The following RSPH4A variants were observed in gnomAD, a reference collection of about 807,000 sequenced individuals.
The protein encoded by RSPH4A is radial spoke head protein 4 homolog A.
RSPH4A carries 47 observed loss-of-function variants against 71.0 expected under a neutral mutation model. That is an observed-to-expected ratio of 0.66 (90% CI 0.52 to 0.84). The LOEUF is 0.84. RSPH4A is among the 40% of genes least tolerant of loss of function. The pLI, the probability that RSPH4A is intolerant of heterozygous loss-of-function variation, is 0.00. For missense variants in RSPH4A, 793 were observed against 855.2 expected (o/e 0.93, Z 0.91); for synonymous variants, 282 against 302.3 (o/e 0.93, Z 0.70).
chr6:116,632,055 T>C (rs1250822104), intron 5 of RSPH4A, 152 bp from the exon 6 acceptor site: 4 of 606,752 alleles, frequency 6.6e-6, no homozygotes, highest in South Asian at 2.0e-5. Context: ...AGAAGAATCA[T>C]TGAGGAATAT....
intron 5 of RSPH4A, among the ~76,000 whole-genome samples, chr6:116,631,572 G>A (rs1369447046): frequency 1.3e-5 from 2 of 152,188 alleles, no homozygotes; most frequent in Non-Finnish European, 2.9e-5. Context: ...AGCACAGAGA[G>A]CAGAGAAAGG....
chr6:116,619,359 G>A (rs1406940060), intron 1 of RSPH4A, among the ~76,000 whole-genome samples: 1 of 152,134 alleles, frequency 6.6e-6, no homozygotes, highest in Non-Finnish European at 1.5e-5. Context: ...GACAAAGTAG[G>A]TTAGAGAATT....
chr6:116,631,842 G>C (rs1415231411), intron 5 of RSPH4A, among the ~76,000 whole-genome samples: 2 of 152,156 alleles, frequency 1.3e-5, no homozygotes, highest in Non-Finnish European at 2.9e-5. Context: ...TGCCCAACCA[G>C]GAGTTTGCAC....
Position 116,630,845 on chromosome 6 carries a change from G to GTTTTTTTT in RSPH4A, c.1916+294_1916+295insTTTTTTTT, listed in dbSNP as rs1285123787. ...GCACCACTATGCCCAGCTAATTTTT[G>GTTTTTTTT]TATTTTTTTTTTTTTTTTTTTTTTT... On this transcript the variant is annotated intron_variant, in intron 5 of 5. Coordinates refer to ENST00000229554, the MANE Select transcript of RSPH4A (RefSeq NM_001010892.3). Among the ~76,000 whole-genome samples the GTTTTTTTT allele has an allele frequency of 9.0e-4, 61 of 67,656 alleles. 5 individuals are homozygous for GTTTTTTTT. Among genetic ancestry groups the GTTTTTTTT allele is most frequent in the Non-Finnish European group, 9.9e-4 (37 of 37,558 alleles). 44.4% of individuals were successfully genotyped at this position (67,656 alleles called of 152,430 possible). A position where few individuals can be genotyped will look rare whatever the true frequency, so the allele number is the denominator to read the frequency against.
Position 116,622,822 on chromosome 6 carries a change from T to C in RSPH4A, c.741T>C (p.Asn247=). ...AGATATTAAATGAGCGTCCTGAAAA[T>C]GCTGTTGACATCTTTGAAAATATTA... is the stretch of plus-strand genomic sequence containing the variant. ...LTKILNERPE[N]AVDIFENISQ... is the part of the protein sequence containing the mutation. Residue 247 remains asparagine, a synonymous_variant, in exon 2 of 6, where the codon AAT becomes AAC. Transcript: ENST00000229554. 2 of 1,613,460 alleles carry C rather than the reference T, an allele frequency of 1.2e-6. No individual in the cohort carries two copies. Among genetic ancestry groups the C allele is most frequent in the Non-Finnish European group, 8.5e-7 (1 of 1,179,478 alleles).
chr6:116,616,776 T>C lies in RSPH4A; in HGVS notation c.153T>C (p.Thr51=). ...EPLEAKQGPE[T]GRQSRSSRPW... ...TGGAGGCGAAGCAGGGGCCAGAAAC[T>C]GGACGCCAGTCCCGAAGCAGCCGTC... Residue 51 remains threonine, a synonymous_variant, in exon 1 of 6, where the codon ACT becomes ACC. Coordinates refer to ENST00000229554, the MANE Select transcript of RSPH4A (RefSeq NM_001010892.3). The C allele has an allele frequency of 6.2e-7, 1 of 1,614,154 alleles. No homozygotes were observed.
intron 2 of RSPH4A, among the ~76,000 whole-genome samples, chr6:116,624,048 A>G (rs944286527): frequency 5.9e-5 from 9 of 152,222 alleles, no homozygotes; most frequent in African/African-American, 2.2e-4. Flanking sequence ...TATATTCAGT[A>G]CCACTAGATT....
intron 2 of RSPH4A, among the ~76,000 whole-genome samples, chr6:116,627,069 C>T (rs958226083): frequency 6.6e-6 from 1 of 152,126 alleles, no homozygotes; most frequent in Non-Finnish European, 1.5e-5. Context: ...AATTATTAAA[C>T]TTTCTCTACC....
intron 1 of RSPH4A, among the ~76,000 whole-genome samples, chr6:116,619,986 T>TG (rs1346961820): frequency 1.3e-5 from 2 of 152,232 alleles, no homozygotes; most frequent in African/African-American, 4.8e-5. Flanking sequence ...CCCAAAGTGT[T>TG]GGGATTACAG....
rs777284529 is a variant in RSPH4A at position 116,632,486 on chromosome 6, C to A, written c.*45C>A. On this transcript the variant is annotated 3_prime_UTR_variant, in exon 6 of 6. Transcript: ENST00000229554. ...GTTTTATGTGACACTGATACACACA[C>A]ACCCCTTATATGGGACTAATTTTAC... is the stretch of plus-strand genomic sequence containing the variant. 8.3e-6 allele frequency: 13 copies of A among 1,573,072 alleles called. No individual in the cohort carries two copies. In the African/African-American group the frequency reaches 1.8e-4, roughly 21 times the overall value.
At position 116,629,864 on chromosome 6, in the gene RSPH4A, T is replaced by A. The variant is rs550907039; in HGVS notation, c.1798+162T>A. Among the ~76,000 whole-genome samples the A allele has an allele frequency of 5.9e-5, 9 of 152,316 alleles. No individual in the cohort carries two copies. In the East Asian group the frequency reaches 1.7e-3, roughly 29 times the overall value. On this transcript the variant is annotated intron_variant, in intron 4 of 5. Coordinates refer to ENST00000229554, the MANE Select transcript of RSPH4A (RefSeq NM_001010892.3). ...TTCTGGGATGATAGGGAGTGAAGAA[T>A]GTAGCTGGCCACATCAATGTTCTCT...
At chr6:116,629,754 C>T in intron 4 of RSPH4A, 52 bp downstream of exon 4, 1 of 1,479,032 alleles carries the variant, frequency 6.8e-7, no homozygotes, top group Non-Finnish European at 9.4e-7. Flanking sequence ...ATATAATATA[C>T]TGTGTGCATT....
intron 3 of RSPH4A, 117 bp from the exon 4 acceptor site, chr6:116,629,450 A>C (rs1335209030): frequency 1.9e-6 from 2 of 1,057,364 alleles, no homozygotes; most frequent in Non-Finnish European, 2.9e-6. Context: ...AGAATGAATG[A>C]ATGAATAATT....
chr6:116,616,826 A>G lies in RSPH4A; in HGVS notation c.203A>G (p.Lys68Arg), dbSNP rs748597085. The stretch of plus-strand genomic sequence containing the variant: ...CCTTGGAGCCCGCAGTCTAGAGCCA[A>G]GACGCCTCTGGGTGGCCCCGCGGGA... Reference protein sequence around the residue: ...SRPWSPQSRAKTPLGGPAGPE... With the variant: ...SRPWSPQSRARTPLGGPAGPE... The change falls in exon 1 of 6, where the codon AAG (lysine) becomes AGG (arginine). Residue 68 changes from lysine (K) to arginine (R), a missense_variant. Coordinates refer to ENST00000229554, the MANE Select transcript of RSPH4A (RefSeq NM_001010892.3). 29 of 1,613,996 alleles carry G rather than the reference A, an allele frequency of 1.8e-5. No individual in the cohort carries two copies. The South Asian group carries it at 3.2e-4, about 18-fold the overall frequency.
In RSPH4A at chr6:116,616,829, C is replaced by T. The variant is rs1398453218; in HGVS notation, c.206C>T (p.Thr69Met). The T allele has an allele frequency of 8.7e-6, 14 of 1,614,000 alleles. No homozygotes were observed. The East Asian group carries it at 1.1e-4, about 13-fold the overall frequency. The part of the protein sequence containing the change: ...RPWSPQSRAK[T>M]PLGGPAGPET... ...TGGAGCCCGCAGTCTAGAGCCAAGA[C>T]GCCTCTGGGTGGCCCCGCGGGACCA... The change falls in exon 1 of 6, where the codon ACG (threonine) becomes ATG (methionine). Residue 69 changes from threonine (T) to methionine (M), a missense_variant. Physicochemically the swap from Thr to Met is moderately conservative, Grantham distance 81. Coordinates refer to ENST00000229554, the MANE Select transcript of RSPH4A (RefSeq NM_001010892.3).
At chr6:116,629,447 A>T in intron 3 of RSPH4A, 120 bp from the exon 4 acceptor site, 1 of 1,035,884 alleles carries the variant, frequency 9.7e-7, no homozygotes, top group Non-Finnish European at 1.5e-6. Flanking sequence ...TGTAGAATGA[A>T]TGAATGAATA....
rs1382794453 is a variant in RSPH4A at position 116,617,075 on chromosome 6, A to G, written c.452A>G (p.Gln151Arg). The G allele has an allele frequency of 6.2e-7, 1 of 1,614,220 alleles. No homozygotes were observed. The change falls in exon 1 of 6, where the codon CAA becomes CGA. Residue 151 changes from glutamine (Q) to arginine (R), a missense_variant. Coordinates refer to ENST00000229554, the MANE Select transcript of RSPH4A (RefSeq NM_001010892.3). ...HTSQSEGNTFQQSQQPKPHLC... is the reference protein window; with the variant it reads ...HTSQSEGNTFRQSQQPKPHLC... ...AGCCAGTCAGAAGGAAACACCTTTC[A>G]ACAGTCTCAGCAACCCAAACCCCAC... is the stretch of plus-strand genomic sequence containing the variant.
chr6:116,623,401 A>G (rs977464376), intron 2 of RSPH4A, among the ~76,000 whole-genome samples: 7 of 152,124 alleles, frequency 4.6e-5, no homozygotes, highest in African/African-American at 1.4e-4. Flanking sequence ...AGCTTCTTAC[A>G]TAGTATTTAC....
At chr6:116,628,623 C>G (rs1248190803) in intron 3 of RSPH4A, among the ~76,000 whole-genome samples, 1 of 152,080 alleles carries the variant, frequency 6.6e-6, no homozygotes, top group Non-Finnish European at 1.5e-5. Flanking sequence ...AAAACACATT[C>G]TTCTATGGAG....
Sources: gnomAD v4.1 joint callset for allele counts (sites outside exome capture counted in the v4.1 genomes callset) on GRCh38, gnomAD v4.1.1 for gene constraint, MANE v1.5 for transcripts, NCBI Gene and HGNC (gene_info 2026-07-23, HGNC 2026-07-21) for gene names.